The following PTPRK variants were observed in gnomAD, a reference collection of about 807,000 sequenced individuals.
PTPRK encodes the protein receptor-type tyrosine-protein phosphatase kappa.
Under a neutral mutation model 178.0 loss-of-function variants are expected in PTPRK, and 75 were observed. That is an observed-to-expected ratio of 0.42 (90% CI 0.35 to 0.51). The LOEUF is 0.51. PTPRK is among the 20% of genes least tolerant of loss of function. The pLI is 0.02. For missense variants in PTPRK, 1,441 were observed against 1,797.8 expected (o/e 0.80, Z 3.59); for synonymous variants, 637 against 620.6 (o/e 1.03, Z -0.39).
chr6:128,111,956 G>A (rs1203115247), intron 7 of PTPRK, among the ~76,000 whole-genome samples: 1 of 152,026 alleles, frequency 6.6e-6, no homozygotes, highest in Non-Finnish European at 1.5e-5. Context: ...ATGATTGAAT[G>A]AATGCTTAAT....
chr6:128,491,734 T>C (rs1395531057), intron 1 of PTPRK: 1 of 515,786 alleles, frequency 1.9e-6, no homozygotes. Flanking sequence ...CTTGTTACCT[T>C]TTCAATCGCC....
intron 3 of PTPRK, among the ~76,000 whole-genome samples, chr6:128,246,705 C>T (rs1444046240): frequency 1.3e-5 from 2 of 152,206 alleles, no homozygotes; most frequent in African/African-American, 2.4e-5. Context: ...AAGCAGTCAA[C>T]CAGGCTTCCC....
At chr6:128,416,647 TAAAAAA>T (rs762520693) in intron 1 of PTPRK, among the ~76,000 whole-genome samples, 2 of 121,520 alleles carry the variant, frequency 1.6e-5, no homozygotes, top group Non-Finnish European at 3.5e-5. Context: ...GACTCCATCT[TAAAAAA>T]AAAAAAAAAA....
At chr6:127,982,477 T>C (rs536109904) in intron 24 of PTPRK, among the ~76,000 whole-genome samples, 12 of 152,252 alleles carry the variant, frequency 7.9e-5, no homozygotes, top group Admixed American at 2.6e-4. Flanking sequence ...GGTTTCACCG[T>C]GTTAGCCAGG....
chr6:128,201,521 A>C (rs1432348967), intron 6 of PTPRK, among the ~76,000 whole-genome samples: 1 of 152,108 alleles, frequency 6.6e-6, no homozygotes, highest in Non-Finnish European at 1.5e-5. Flanking sequence ...TTGATTTAGA[A>C]AGGAACACAC....
At chr6:128,132,154 A>G (rs1794341462) in intron 7 of PTPRK, among the ~76,000 whole-genome samples, 1 of 152,146 alleles carries the variant, frequency 6.6e-6, no homozygotes, top group Non-Finnish European at 1.5e-5. Flanking sequence ...AAATAGTTAC[A>G]GGCTGTGTGT....
At chr6:128,456,449 A>T (rs1848409203) in intron 1 of PTPRK, among the ~76,000 whole-genome samples, 1 of 152,138 alleles carries the variant, frequency 6.6e-6, no homozygotes, top group Admixed American at 6.6e-5. Context: ...AGTAAAAAAA[A>T]TGAGTAAAAC....
chr6:128,147,651 G>A (rs967410622), intron 7 of PTPRK, among the ~76,000 whole-genome samples: 1 of 152,068 alleles, frequency 6.6e-6, no homozygotes, highest in Non-Finnish European at 1.5e-5. Context: ...GTGAGGGTTG[G>A]CCACAGATTG....
intron 23 of PTPRK, 68 bp downstream of exon 23, chr6:127,983,174 A>G: frequency 7.1e-7 from 1 of 1,400,386 alleles, no homozygotes; most frequent in Non-Finnish European, 9.6e-7. Flanking sequence ...TATATGAGAG[A>G]CATCTACTCT....
chr6:128,484,844 T>C (rs1039029737), intron 1 of PTPRK, among the ~76,000 whole-genome samples: 2 of 152,208 alleles, frequency 1.3e-5, no homozygotes, highest in African/African-American at 4.8e-5. Context: ...TTAAACTCAA[T>C]AGTTTCCTTT....
At chr6:128,224,232 A>G (rs1810899792) in intron 5 of PTPRK, among the ~76,000 whole-genome samples, 1 of 152,090 alleles carries the variant, frequency 6.6e-6, no homozygotes, top group Non-Finnish European at 1.5e-5. Flanking sequence ...CCGCCCTCCA[A>G]TCCATCTCAG....
intron 2 of PTPRK, among the ~76,000 whole-genome samples, chr6:128,345,247 G>A (rs550548247): frequency 6.6e-6 from 1 of 152,038 alleles, no homozygotes; most frequent in African/African-American, 2.4e-5. Flanking sequence ...TTTTTAATAT[G>A]GAATATATAT....
intron 6 of PTPRK, among the ~76,000 whole-genome samples, chr6:128,209,533 A>C (rs1160141307): frequency 2.0e-5 from 3 of 146,970 alleles, no homozygotes; most frequent in Non-Finnish European, 3.0e-5. Flanking sequence ...AAAGGCAGCC[A>C]CGAGGCTGCC....
chr6:128,463,253 C>T (rs774141939), intron 1 of PTPRK, among the ~76,000 whole-genome samples: 1 of 152,140 alleles, frequency 6.6e-6, no homozygotes, highest in African/African-American at 2.4e-5. Context: ...AAGCACTGCC[C>T]TTCCAAGTTT....
At chr6:128,205,157 C>T (rs1806694142) in intron 6 of PTPRK, among the ~76,000 whole-genome samples, 1 of 152,114 alleles carries the variant, frequency 6.6e-6, no homozygotes, top group African/African-American at 2.4e-5. Context: ...CAAACTAATG[C>T]AAGAACAGAA....
intron 3 of PTPRK, among the ~76,000 whole-genome samples, chr6:128,310,834 T>A (rs1179107752): frequency 1.3e-5 from 2 of 152,148 alleles, no homozygotes; most frequent in African/African-American, 4.8e-5. Flanking sequence ...TATGGCACAA[T>A]GAATCTTACT....
chr6:128,276,501 T>C (rs1044577320), intron 3 of PTPRK, among the ~76,000 whole-genome samples: 1 of 152,122 alleles, frequency 6.6e-6, no homozygotes, highest in Non-Finnish European at 1.5e-5. Flanking sequence ...AAGCCATCAA[T>C]TAGAGCCAGA....
chr6:128,349,668 T>C (rs1384213646), intron 2 of PTPRK, among the ~76,000 whole-genome samples: 1 of 152,098 alleles, frequency 6.6e-6, no homozygotes, highest in Non-Finnish European at 1.5e-5. Context: ...AATCATTGTG[T>C]CATAGGCTTT....
intron 3 of PTPRK, among the ~76,000 whole-genome samples, chr6:128,262,814 T>C (rs1818367501): frequency 6.7e-6 from 1 of 149,456 alleles, no homozygotes; most frequent in African/African-American, 2.5e-5. Flanking sequence ...TACTTCTTTT[T>C]TTTTTTTCCC....
Sources: gnomAD v4.1 joint callset for allele counts (sites outside exome capture counted in the v4.1 genomes callset) on GRCh38, gnomAD v4.1.1 for gene constraint, MANE v1.5 for transcripts, NCBI Gene and HGNC (gene_info 2026-07-23, HGNC 2026-07-21) for gene names.